HEATR5A: variants seen among roughly 807,000 people sequenced by gnomAD.
HEATR5A encodes HEAT repeat-containing protein 5A.
A neutral mutation model predicts 218.8 loss-of-function variants in HEATR5A; 178 were observed. That is an observed-to-expected ratio of 0.81 (90% CI 0.72 to 0.92). The LOEUF (loss-of-function observed/expected upper bound fraction) is 0.92, where lower values mean the gene tolerates loss of function less well. HEATR5A is among the 40% of genes least tolerant of loss of function. HEATR5A has a pLI of 0.00. For synonymous variants in HEATR5A, 864 were observed against 871.6 expected (o/e 0.99, Z 0.15); for missense variants, 2,420 against 2,418.9 (o/e 1.00, Z -0.01).
intron 11 of HEATR5A, among the ~76,000 whole-genome samples, chr14:31,375,488 C>T (rs1471719677): frequency 6.6e-6 from 1 of 152,072 alleles, no homozygotes; most frequent in Non-Finnish European, 1.5e-5. Context: ...TCAATCTCAA[C>T]CCCCCTGAGC....
intron 13 of HEATR5A, among the ~76,000 whole-genome samples, chr14:31,367,976 A>G (rs1901867962): frequency 6.6e-6 from 1 of 152,126 alleles, no homozygotes; most frequent in Admixed American, 6.6e-5. Flanking sequence ...TGTTATCCAT[A>G]TTTAAAAACA....
At position 31,395,400 on chromosome 14, in the gene HEATR5A, C is replaced by T. The variant is rs535225446; in HGVS notation, c.448-52G>A. 1.2e-3 allele frequency: 1,150 copies of T among 970,934 alleles called. 2 individuals carry two copies. Among genetic ancestry groups the T allele is most frequent in the Non-Finnish European group, 1.5e-3 (1,026 of 668,678 alleles). 60.1% of individuals were successfully genotyped at this position (970,934 alleles called of 1,614,324 possible). A position where few individuals can be genotyped will look rare whatever the true frequency, so the allele number is the denominator to read the frequency against. ...GGAAAAATAATTAAACTGCAAAGAA[C>T]AGGATTAAACATTGATATCTGTCTC... On this transcript the variant is annotated intron_variant, in intron 4 of 35. Transcript: ENST00000543095.
At chr14:31,328,525 T>C (rs8016487) in intron 22 of HEATR5A, among the ~76,000 whole-genome samples, 128,600 of 152,028 alleles carry the variant, frequency 0.85, 55,284 homozygotes, top group Non-Finnish European at 0.93. Context: ...GTATGTCCTT[T>C]GCATTAGTCC....
In HEATR5A at chr14:31,302,370, C is replaced by G. The variant is rs1260644010; in HGVS notation, c.5389G>C (p.Ala1797Pro). 2.5e-6 allele frequency: 4 copies of G among 1,604,206 alleles called. No homozygotes were observed. Among genetic ancestry groups the G allele is most frequent in the Non-Finnish European group, 3.4e-6 (4 of 1,175,238 alleles). ...GTCCAAGCAGTACGGCTCTTTTCTG[C>G]CCGGGCCATGGGAGAAGATAATATT... ...KGILSSPMAR[A>P]EKSRTAWTDL... Residue 1797 changes from alanine to proline, a missense_variant, in exon 33 of 36, where the codon GCA becomes CCA. Physicochemically the swap from Ala to Pro is conservative, Grantham distance 27. Transcript: ENST00000543095.
At chr14:31,339,364 C>T (rs776557350) in intron 21 of HEATR5A, among the ~76,000 whole-genome samples, 5 of 140,680 alleles carry the variant, frequency 3.6e-5, no homozygotes, top group South Asian at 2.4e-4. Context: ...GCAGGAGAAT[C>T]GCTTGAACCC....
At chr14:31,359,372 A>T (rs1901539611) in intron 14 of HEATR5A, among the ~76,000 whole-genome samples, 1 of 151,876 alleles carries the variant, frequency 6.6e-6, no homozygotes, top group Admixed American at 6.6e-5. Context: ...AATAGATGTA[A>T]AAAAAGATTT....
At chr14:31,320,468 G>C in intron 25 of HEATR5A, 2 of 1,363,328 alleles carry the variant, frequency 1.5e-6, no homozygotes, top group Non-Finnish European at 2.1e-6. Flanking sequence ...GACAACACTG[G>C]TCTGGAACTC....
chr14:31,392,977 C>T (rs1451519179), intron 6 of HEATR5A, among the ~76,000 whole-genome samples: 1 of 152,126 alleles, frequency 6.6e-6, no homozygotes, highest in Non-Finnish European at 1.5e-5. Flanking sequence ...CAGAGTGAGA[C>T]CCTGTTTCCA....
At chr14:31,341,266 G>C (rs1173280124) in intron 21 of HEATR5A, among the ~76,000 whole-genome samples, 1 of 152,020 alleles carries the variant, frequency 6.6e-6, no homozygotes, top group African/African-American at 2.4e-5. Context: ...AGAAAAGTCT[G>C]ATAATATAAT....
At chr14:31,335,773 C>T (rs1900628993) in intron 22 of HEATR5A, among the ~76,000 whole-genome samples, 1 of 152,088 alleles carries the variant, frequency 6.6e-6, no homozygotes, top group Non-Finnish European at 1.5e-5. Context: ...TGTGCCTCAG[C>T]CTCTCAAGTA....
chr14:31,326,695 T>A (rs1900278177), intron 22 of HEATR5A, among the ~76,000 whole-genome samples: 1 of 152,198 alleles, frequency 6.6e-6, no homozygotes, highest in South Asian at 2.1e-4. Context: ...CAGGCTAGAG[T>A]GCAATGGCAC....
intron 22 of HEATR5A, among the ~76,000 whole-genome samples, chr14:31,333,366 A>G (rs1028886585): frequency 6.6e-6 from 1 of 151,956 alleles, no homozygotes; most frequent in Non-Finnish European, 1.5e-5. Context: ...CTCGTGCCTC[A>G]GTCTCCTGAG....
At chr14:31,316,059 G>A (rs967852040) in intron 26 of HEATR5A, 110 bp from the exon 27 acceptor site, 3 of 774,716 alleles carry the variant, frequency 3.9e-6, no homozygotes, top group Non-Finnish European at 5.8e-6. Context: ...GACGCAGGCA[G>A]ATCGCTTGAG....
intron 3 of HEATR5A, among the ~76,000 whole-genome samples, chr14:31,399,184 T>C (rs993976705): frequency 1.3e-5 from 2 of 152,336 alleles, no homozygotes; most frequent in African/African-American, 4.8e-5. Flanking sequence ...GTTGAAAAAG[T>C]GACTATTTTA....
In HEATR5A at chr14:31,315,943, T is replaced by G. The variant is rs1899897986; in HGVS notation, c.4045A>C (p.Ser1349Arg). 7 of 1,538,328 alleles carry G rather than the reference T, an allele frequency of 4.6e-6. No homozygotes were observed. The highest frequency in any genetic ancestry group is 6.1e-6 in the Non-Finnish European group (7 of 1,142,198). The change falls in exon 27 of 36, where the codon AGT becomes CGT. Residue 1349 changes from serine (S) to arginine (R), a missense_variant. By Grantham distance (110) the Ser-to-Arg change is moderately radical. Transcript: ENST00000543095. ...DVTAKACQVC[S>R]AWIASGVVSD... ...ACAACTCCACTTGCTATCCAGGCAC[T>G]GCAAACCTAGTTTTCAAGAAATTAA...
intron 1 of HEATR5A, among the ~76,000 whole-genome samples, chr14:31,414,590 C>T (rs936534091): frequency 6.6e-6 from 1 of 152,214 alleles, no homozygotes; most frequent in Non-Finnish European, 1.5e-5. Context: ...TCAGGGTTTA[C>T]AGGAGAGGCC....
intron 1 of HEATR5A, among the ~76,000 whole-genome samples, chr14:31,406,179 CCCTACATATA>C (rs888308482): frequency 3.9e-5 from 6 of 152,208 alleles, no homozygotes; most frequent in African/African-American, 1.4e-4. Flanking sequence ...ATAACCACAA[CCCTACATATA>C]CCTGAGAAAT....
At chr14:31,375,121 G>A (rs1003111828) in intron 11 of HEATR5A, among the ~76,000 whole-genome samples, 153 bp from the exon 12 acceptor site, 3 of 152,068 alleles carry the variant, frequency 2.0e-5, no homozygotes, top group African/African-American at 7.2e-5. Flanking sequence ...AATTATTACT[G>A]AATGAATTAT....
intron 33 of HEATR5A, among the ~76,000 whole-genome samples, chr14:31,299,271 G>A (rs1899287764): frequency 6.6e-6 from 1 of 152,162 alleles, no homozygotes; most frequent in Non-Finnish European, 1.5e-5. Flanking sequence ...AGTAAGTTCT[G>A]TTGAAAACTG....
Sources: gnomAD v4.1 joint callset for allele counts (sites outside exome capture counted in the v4.1 genomes callset) on GRCh38, gnomAD v4.1.1 for gene constraint, MANE v1.5 for transcripts, NCBI Gene and HGNC (gene_info 2026-07-23, HGNC 2026-07-21) for gene names.